Variants in WDR20 observed in about 807,000 individuals in gnomAD.
WDR20 encodes the protein WD repeat domain 20.
Under a neutral mutation model 38.7 loss-of-function variants are expected in WDR20, and 3 were observed. That is an observed-to-expected ratio of 0.08 (90% confidence interval 0.04 to 0.20). The LOEUF is 0.20. Ranked by LOEUF, WDR20 falls within the 10% of genes least tolerant of loss-of-function variation. The probability of loss-of-function intolerance (pLI) is 1.00; values close to 1 mark genes in which losing one functional copy is unlikely to be tolerated. For synonymous variants in WDR20, 298 were observed against 285.6 expected (o/e 1.04, Z -0.44); for missense variants, 559 against 727.7 (o/e 0.77, Z 2.67).
intron 1 of WDR20, among the ~76,000 whole-genome samples, chr14:102,165,995 ATT>A (rs2059697797): frequency 6.7e-6 from 1 of 148,206 alleles, no homozygotes; most frequent in Admixed American, 6.7e-5. Context: ...TAAGCAAGTG[ATT>A]TTCTTTTTTT....
chr14:102,218,535 A>C (rs2063501890), downstream of WDR20, among the ~76,000 whole-genome samples: 1 of 152,202 alleles, frequency 6.6e-6, no homozygotes, highest in African/African-American at 2.4e-5. Flanking sequence ...CTTTATTGTA[A>C]ATTGTTTTGA....
intron 1 of WDR20, among the ~76,000 whole-genome samples, chr14:102,160,533 C>T (rs1014501840): frequency 7.9e-5 from 12 of 152,072 alleles, no homozygotes; most frequent in Non-Finnish European, 1.3e-4. Flanking sequence ...GAGATCTTTC[C>T]ATTTTAGTAA....
At position 102,220,432 on chromosome 14, in the gene WDR20, TA is replaced by T. The variant is rs1476029646; in HGVS notation, c.1693-2397del. Among the ~76,000 whole-genome samples the T allele has an allele frequency of 2.6e-5, 4 of 152,230 alleles. No homozygotes were observed. The highest frequency in any genetic ancestry group is 4.8e-5 in the African/African-American group (2 of 41,460). On this transcript the variant is annotated intron_variant, in intron 3 of 3. Transcript: ENST00000335263. This position sits in a 1 kb window ranked among gnomAD's most constrained non-coding sequence, Gnocchi z 4.2. ...TTATATGAAACATCTTCAGTTAAAA[TA>T]TTAAAATTGGCCAGGTGCGGTGGCT...
intron 1 of WDR20, among the ~76,000 whole-genome samples, chr14:102,159,797 G>T (rs2058243712): frequency 6.6e-6 from 1 of 151,864 alleles, no homozygotes; most frequent in Non-Finnish European, 1.5e-5. Flanking sequence ...TCAAGCCACT[G>T]CACTCCAGCC....
chr14:102,224,162 C>T (rs1012181909), downstream of WDR20, among the ~76,000 whole-genome samples: 17 of 152,008 alleles, frequency 1.1e-4, no homozygotes, highest in African/African-American at 4.1e-4. Context: ...CCGCCTCAGC[C>T]TCCCGAGTAG....
At chr14:102,194,406 C>T (rs2059065993) in intron 1 of WDR20, among the ~76,000 whole-genome samples, 1 of 152,174 alleles carries the variant, frequency 6.6e-6, no homozygotes, top group South Asian at 2.1e-4. Context: ...GCCCTACTCC[C>T]ATAGTTTCTG....
downstream of WDR20, among the ~76,000 whole-genome samples, chr14:102,212,171 G>A (rs1289380728): frequency 6.6e-6 from 1 of 152,218 alleles, no homozygotes; most frequent in Non-Finnish European, 1.5e-5. Context: ...ATGGAGGCCT[G>A]TGTGTGTCTT....
upstream of WDR20, chr14:102,139,600 C>T (rs555206848): frequency 1.0e-5 from 7 of 676,090 alleles, no homozygotes; most frequent in African/African-American, 1.8e-5. Flanking sequence ...TCCGCTGGCC[C>T]TGGCGGCTGC....
rs571623409 is a variant in WDR20 at position 102,175,089 on chromosome 14, C to T, written c.250-19849C>T. ...AAGTCCCATGTATTTATTTTTGTTG[C>T]ATTTGCTTTTGGGTTCTTGGTCATG... On this transcript the variant is annotated intron_variant, in intron 1 of 2. Coordinates refer to ENST00000342702, the MANE Select transcript of WDR20 (RefSeq NM_144574.4). Among the ~76,000 whole-genome samples, 3 of 152,162 alleles carry T rather than the reference C, an allele frequency of 2.0e-5. No homozygotes were observed. The East Asian group carries it at 5.8e-4, about 29-fold the overall frequency.
At chr14:102,170,601 T>A (rs2060608332) in intron 1 of WDR20, among the ~76,000 whole-genome samples, 1 of 152,078 alleles carries the variant, frequency 6.6e-6, no homozygotes, top group South Asian at 2.1e-4. Flanking sequence ...TGAACCCGCT[T>A]TTCTACTAGG....
upstream of WDR20, chr14:102,139,496 C>T (rs1173653402): frequency 1.2e-5 from 16 of 1,359,254 alleles, no homozygotes; most frequent in Non-Finnish European, 1.4e-5. Context: ...TCCCGGCGCC[C>T]CTCAGGGCAG....
downstream of WDR20, among the ~76,000 whole-genome samples, chr14:102,219,751 A>G (rs2063670334): frequency 6.6e-6 from 1 of 152,258 alleles, no homozygotes; most frequent in African/African-American, 2.4e-5. Flanking sequence ...ATGGCGATGC[A>G]TTCTAAAAGA....
chr14:102,218,358 A>C (rs993378246), downstream of WDR20, among the ~76,000 whole-genome samples: 3 of 152,202 alleles, frequency 2.0e-5, no homozygotes, highest in Non-Finnish European at 1.5e-5. Flanking sequence ...CGTGGGGGTC[A>C]GAAGGGGAAG....
downstream of WDR20, among the ~76,000 whole-genome samples, chr14:102,211,416 T>G (rs1390098325): frequency 6.6e-6 from 1 of 152,020 alleles, no homozygotes; most frequent in Non-Finnish European, 1.5e-5. The surrounding 1 kb of genome is among the most constrained non-coding windows in gnomAD (Gnocchi z 4.2). Context: ...CCAGGCCTGC[T>G]TCCCATCTGC....
chr14:102,224,419 T>C, downstream of WDR20: 6 of 372,468 alleles, frequency 1.6e-5, no homozygotes, highest in South Asian at 6.3e-5. Context: ...GCTCAGCGAG[T>C]TACTGGAATC....
chr14:102,164,709 T>C (rs2059415521), intron 1 of WDR20, among the ~76,000 whole-genome samples: 2 of 152,332 alleles, frequency 1.3e-5, no homozygotes, highest in Middle Eastern at 3.4e-3. Context: ...CTTTTTTTTA[T>C]ACATTTTTGA....
Position 102,209,979 on chromosome 14 carries a change from A to C in WDR20, c.*99A>C, listed in dbSNP as rs879079286. ...AATGTGAATGACACTTCTTATTCTT[A>C]ATGTAAATCTCAATGCATCAGAGCC... On this transcript the variant is annotated 3_prime_UTR_variant, in exon 3 of 3. Coordinates refer to ENST00000342702, the MANE Select transcript of WDR20 (RefSeq NM_144574.4). This position sits in a 1 kb window ranked among gnomAD's most constrained non-coding sequence, Gnocchi z 6.0. 31 of 1,486,270 alleles carry C rather than the reference A, an allele frequency of 2.1e-5. No individual in the cohort carries two copies. In the South Asian group the frequency reaches 4.0e-4, roughly 19 times the overall value. 92.1% of individuals were successfully genotyped at this position (1,486,270 alleles called of 1,614,324 possible).
downstream of WDR20, chr14:102,214,757 G>A: frequency 1.0e-6 from 1 of 978,938 alleles, no homozygotes. Context: ...TTCATAAAGA[G>A]CCTTCCTAAC....
intron 1 of WDR20, among the ~76,000 whole-genome samples, chr14:102,187,383 G>A (rs2065089436): frequency 6.6e-6 from 1 of 150,790 alleles, no homozygotes; most frequent in Non-Finnish European, 1.5e-5. Context: ...TCGGTGAAGG[G>A]GTCTGGAAGA....
Sources: gnomAD v4.1 joint callset for allele counts (sites outside exome capture counted in the v4.1 genomes callset) on GRCh38, gnomAD v4.1.1 for gene constraint, Gnocchi (gnomAD v3.1) non-coding constraint, MANE v1.5 for transcripts, NCBI Gene and HGNC (gene_info 2026-07-23, HGNC 2026-07-21) for gene names.